The following LIMCH1 variants were observed in gnomAD, a reference collection of about 807,000 sequenced individuals.
The protein encoded by LIMCH1 is LIM and calponin homology domains 1.
Under a neutral mutation model 176.5 loss-of-function variants are expected in LIMCH1, and 113 were observed. That is an observed-to-expected ratio of 0.64 (90% CI 0.55 to 0.75). The LOEUF is 0.75. Among genes scored for constraint, LIMCH1 ranks in the 30% least tolerant of loss-of-function variants. The pLI is 0.00. For missense variants in LIMCH1, 1,674 were observed against 1,814.9 expected, an observed-to-expected ratio of 0.92 and a Z score of 1.41; for synonymous variants, 619 against 645.9, an observed-to-expected ratio of 0.96 and a Z score of 0.63.
In LIMCH1 at chr4:41,698,117, G is replaced by A. The variant is rs1228293770; in HGVS notation, c.*932G>A. ...TATGGAAGATGAGGCACCGAGATAA[G>A]TTCATCATTAGGTGTGAGCACTGCT... On this transcript the variant is annotated 3_prime_UTR_variant, in exon 32 of 32. Transcript: ENST00000503057. 6.6e-6 allele frequency: 1 copy of A among 152,142 alleles called. No individual in the cohort carries two copies. The highest frequency in any genetic ancestry group is 1.5e-5 in the Non-Finnish European group (1 of 68,048). 9.4% of individuals were successfully genotyped at this position (152,142 alleles called of 1,614,324 possible).
chr4:41,572,865 C>T (rs2083784163), intron 1 of LIMCH1, among the ~76,000 whole-genome samples: 1 of 152,170 alleles, frequency 6.6e-6, no homozygotes, highest in South Asian at 2.1e-4. Context: ...TCAGAGGAGG[C>T]AGGCACTTCC....
intron 1 of LIMCH1, among the ~76,000 whole-genome samples, chr4:41,569,585 C>A (rs562061308): frequency 8.5e-4 from 129 of 152,238 alleles, no homozygotes; most frequent in African/African-American, 3.1e-3. Context: ...CAGCTGAAAT[C>A]TAGGACCTGT....
intron 1 of LIMCH1, among the ~76,000 whole-genome samples, chr4:41,570,286 G>A (rs980319555): frequency 2.3e-4 from 35 of 152,226 alleles, no homozygotes; most frequent in African/African-American, 8.4e-4. Context: ...GAGGCATTCT[G>A]CTTATAGCAC....
intron 1 of LIMCH1, among the ~76,000 whole-genome samples, chr4:41,581,336 A>C (rs942727641): frequency 6.6e-6 from 1 of 152,110 alleles, no homozygotes; most frequent in African/African-American, 2.4e-5. Flanking sequence ...TCTCCTAGCA[A>C]ATTTCAAGTA....
chr4:41,627,499 T>C (rs1263407211), intron 8 of LIMCH1, among the ~76,000 whole-genome samples: 1 of 152,246 alleles, frequency 6.6e-6, no homozygotes. Flanking sequence ...ACTTGTTCTT[T>C]CTTCTGTCAC....
intron 7 of LIMCH1, among the ~76,000 whole-genome samples, chr4:41,625,605 G>A (rs1270169314): frequency 1.3e-5 from 2 of 152,028 alleles, no homozygotes; most frequent in Admixed American, 6.5e-5. Flanking sequence ...CCAATGATAC[G>A]GAAACTTTCT....
intron 1 of LIMCH1, among the ~76,000 whole-genome samples, chr4:41,361,217 G>T (rs1561119714): frequency 6.6e-6 from 1 of 152,202 alleles, no homozygotes. Flanking sequence ...CTGCCCGCTG[G>T]CCTCGCAAAT....
At position 41,419,599 on chromosome 4, in the gene LIMCH1, CTTCCG is replaced by C. The variant is rs1212849549; in HGVS notation, c.96+58665_96+58669del. Among the ~76,000 whole-genome samples, 23 of 71,952 alleles carry C rather than the reference CTTCCG, an allele frequency of 3.2e-4. 1 individual carries two copies. The highest frequency in any genetic ancestry group is 2.2e-3 in the African/African-American group (18 of 8,040). The allele number at this position is 71,952 out of a possible 152,430, so 47.2% of individuals were successfully genotyped here. A position where few individuals can be genotyped will look rare whatever the true frequency, so the allele number is the denominator to read the frequency against. ...CCTTCCTTCCTTCCTTCCTTCCTTC[CTTCCG>C]TCCTTCCTTCCTTCCTTCCTTCCTT... is the stretch of plus-strand genomic sequence containing the variant. On this transcript the variant is annotated intron_variant, in intron 1 of 26. Coordinates refer to the LIMCH1 transcript ENST00000313860.
rs2089441237 is a variant in LIMCH1, at chr4:41,599,005, C to T, written c.-155C>T. On this transcript the variant is annotated 5_prime_UTR_variant, in exon 2 of 32. Transcript: ENST00000503057. Reference sequence around the variant, plus strand: ...TTTGACCCGAGTGACCTCCAGGATACATCCAACAGAGTAACAGTCAAGTAA... The same window carrying T: ...TTTGACCCGAGTGACCTCCAGGATATATCCAACAGAGTAACAGTCAAGTAA... The T allele has an allele frequency of 2.5e-6, 4 of 1,608,398 alleles. No homozygotes were observed. The highest frequency in any genetic ancestry group is 2.7e-5 in the African/African-American group (2 of 74,906).
At chr4:41,368,122 T>A (rs2053389435) in intron 1 of LIMCH1, among the ~76,000 whole-genome samples, 1 of 152,188 alleles carries the variant, frequency 6.6e-6, no homozygotes, top group Non-Finnish European at 1.5e-5. Flanking sequence ...AATATCTTAT[T>A]CCAATTGAAA....
chr4:41,496,468 C>T (rs1409905456), intron 2 of LIMCH1, among the ~76,000 whole-genome samples: 1 of 152,186 alleles, frequency 6.6e-6, no homozygotes, highest in Non-Finnish European at 1.5e-5. Flanking sequence ...GTAGCGTGAA[C>T]CTCTGCTAGG....
chr4:41,492,495 T>G (rs1409917301), intron 1 of LIMCH1, among the ~76,000 whole-genome samples: 2 of 152,308 alleles, frequency 1.3e-5, no homozygotes, highest in East Asian at 3.9e-4. Flanking sequence ...TCCCATGAAT[T>G]CTTTTAAGTG....
chr4:41,626,791 G>A lies in LIMCH1; in HGVS notation c.809G>A (p.Gly270Asp). The change falls in exon 8 of 32, where the codon GGC (glycine) becomes GAC (aspartate). Residue 270 changes from glycine to aspartate, a missense_variant. Coordinates refer to ENST00000503057, the MANE Select transcript of LIMCH1 (RefSeq NM_001330672.2). ...AACTCTTTCCTGACCCACCAACATGGCAACGATTCAGAGGCAGAAGGTGAA... is the reference window on the plus strand; with the variant it reads ...AACTCTTTCCTGACCCACCAACATGACAACGATTCAGAGGCAGAAGGTGAA... ...KENSFLTHQH[G>D]NDSEAEGEVV... 6.5e-7 allele frequency: 1 copy of A among 1,536,336 alleles called. No homozygotes were observed. The highest frequency in any genetic ancestry group is 8.7e-7 in the Non-Finnish European group (1 of 1,146,946).
chr4:41,407,430 A>G (rs916687579), intron 1 of LIMCH1, among the ~76,000 whole-genome samples: 2 of 152,228 alleles, frequency 1.3e-5, no homozygotes, highest in South Asian at 2.1e-4. Flanking sequence ...AGGTCTCACT[A>G]TGTTGGCCAG....
chr4:41,390,592 G>C (rs1047139363), intron 1 of LIMCH1, among the ~76,000 whole-genome samples: 3 of 152,278 alleles, frequency 2.0e-5, no homozygotes, highest in Admixed American at 1.3e-4. Flanking sequence ...ATTTTTTATT[G>C]TAAACATATC....
At chr4:41,552,888 T>C (rs921295340) in intron 1 of LIMCH1, among the ~76,000 whole-genome samples, 8 of 152,192 alleles carry the variant, frequency 5.3e-5, no homozygotes, top group Admixed American at 2.6e-4. Flanking sequence ...GGAAGTAATA[T>C]ATATAGTTAT....
upstream of LIMCH1, among the ~76,000 whole-genome samples, chr4:41,536,478 T>C (rs890491136): frequency 2.0e-5 from 3 of 152,236 alleles, no homozygotes; most frequent in African/African-American, 7.2e-5. Flanking sequence ...TAGTTTGATA[T>C]CTAATTTTTC....
At position 41,398,951 on chromosome 4, in the gene LIMCH1, A is replaced by T. The variant is rs564723576; in HGVS notation, c.96+38015A>T. Among the ~76,000 whole-genome samples, 41 of 152,310 alleles carry T rather than the reference A, an allele frequency of 2.7e-4. 2 individuals carry two copies. The South Asian group carries it at 5.8e-3, about 22-fold the overall frequency. On this transcript the variant is annotated intron_variant, in intron 1 of 26. Transcript: ENST00000313860. ...TTCCTTTTTAATTTTGGCAAAATCTAGGAACTCTTTGTGTTGTGGTGTCCA... is the reference window on the plus strand; with the variant it reads ...TTCCTTTTTAATTTTGGCAAAATCTTGGAACTCTTTGTGTTGTGGTGTCCA...
At chr4:41,464,567 G>A (rs1307477556) in intron 1 of LIMCH1, among the ~76,000 whole-genome samples, 2 of 151,622 alleles carry the variant, frequency 1.3e-5, no homozygotes, top group Admixed American at 6.6e-5. Flanking sequence ...GTAGAGACAG[G>A]GTTTCACCAT....
Sources: allele counts gnomAD v4.1 joint callset (sites outside exome capture counted in the v4.1 genomes callset), GRCh38; gene constraint gnomAD v4.1.1; transcripts MANE v1.5; gene names NCBI Gene and HGNC (gene_info 2026-07-23, HGNC 2026-07-21).